The following SLIT3 variants were observed in gnomAD, a reference collection of about 807,000 sequenced individuals.
The protein encoded by SLIT3 is slit homolog 3 protein.
SLIT3 carries 68 observed loss-of-function variants against 184.0 expected under a neutral mutation model. That is an observed-to-expected ratio of 0.37 (90% confidence interval 0.30 to 0.45). The LOEUF is 0.45. Ranked by LOEUF, SLIT3 falls within the 20% of genes least tolerant of loss-of-function variation. The pLI is 1.00. For synonymous variants in SLIT3, 831 were observed against 828.6 expected (o/e 1.00, Z -0.05); for missense variants, 1,707 against 2,026.0 (o/e 0.84, Z 3.02).
chr5:168,991,607 A>G (rs1755332756), intron 4 of SLIT3, among the ~76,000 whole-genome samples: 1 of 152,256 alleles, frequency 6.6e-6, no homozygotes, highest in South Asian at 2.1e-4. Flanking sequence ...TGGGGAATGC[A>G]GTGCCCTGGG....
chr5:169,120,547 A>G (rs1481524020), intron 4 of SLIT3, among the ~76,000 whole-genome samples: 1 of 152,348 alleles, frequency 6.6e-6, no homozygotes, highest in South Asian at 2.1e-4. Flanking sequence ...CCCTGCCAAC[A>G]TCTTGATTTC....
intron 3 of SLIT3, among the ~76,000 whole-genome samples, chr5:169,220,797 T>C (rs1245179649): frequency 1.3e-5 from 2 of 152,212 alleles, no homozygotes; most frequent in East Asian, 1.9e-4. Flanking sequence ...TGCTCCAAAC[T>C]GGCTCATCAA....
At position 168,806,571 on chromosome 5, in the gene SLIT3, G is replaced by T; in HGVS notation, c.810C>A (p.Pro270=). The part of the protein sequence containing the change: ...EYVCPAPHSE[P]PSCNANSISC... The stretch of plus-strand genomic sequence containing the variant: ...AGATGGAGTTGGCATTGCAGGATGG[G>T]GGCTCCGAGTGGGGGGCTGTGGAGC... Residue 270 remains proline (P), a synonymous_variant, in exon 9 of 36, where the codon CCC becomes CCA. Transcript: ENST00000519560. 6.2e-7 allele frequency: 1 copy of T among 1,614,148 alleles called. No individual in the cohort carries two copies. The highest frequency in any genetic ancestry group is 8.5e-7 in the Non-Finnish European group (1 of 1,180,008).
intron 3 of SLIT3, among the ~76,000 whole-genome samples, chr5:169,214,760 A>G (rs1220718008): frequency 6.6e-6 from 1 of 152,164 alleles, no homozygotes; most frequent in Non-Finnish European, 1.5e-5. Flanking sequence ...GGACACTGTC[A>G]TCTCCTTCCA....
intron 5 of SLIT3, among the ~76,000 whole-genome samples, chr5:168,862,729 C>T (rs1318668230): frequency 6.6e-6 from 1 of 151,752 alleles, no homozygotes; most frequent in Non-Finnish European, 1.5e-5. Context: ...GGCTGGAGTG[C>T]AATGGCACAA....
At chr5:168,667,019 G>C (rs1213401470) in intron 35 of SLIT3, among the ~76,000 whole-genome samples, 2 of 152,146 alleles carry the variant, frequency 1.3e-5, no homozygotes, top group East Asian at 3.9e-4. Flanking sequence ...CCTGACCCCA[G>C]ACCAATTTGG....
chr5:168,784,697 T>C (rs1313708263), intron 12 of SLIT3, among the ~76,000 whole-genome samples: 2 of 152,184 alleles, frequency 1.3e-5, no homozygotes, highest in Non-Finnish European at 2.9e-5. Context: ...ACATAAGATG[T>C]GTCCCTTGTT....
chr5:169,014,195 G>C (rs1756275870), intron 4 of SLIT3, among the ~76,000 whole-genome samples: 1 of 152,128 alleles, frequency 6.6e-6, no homozygotes, highest in Non-Finnish European at 1.5e-5. Context: ...CATAATCTTT[G>C]TGGCATGATA....
intron 35 of SLIT3, among the ~76,000 whole-genome samples, chr5:168,667,263 CTAGATACTATT>C (rs1168712136): frequency 6.6e-6 from 1 of 152,064 alleles, no homozygotes; most frequent in African/African-American, 2.4e-5. Flanking sequence ...GGCCTAGAGT[CTAGATACTATT>C]TAAGTGAATA....
chr5:169,247,674 T>TC (rs1054364469), intron 2 of SLIT3, among the ~76,000 whole-genome samples: 17 of 152,278 alleles, frequency 1.1e-4, no homozygotes, highest in African/African-American at 4.1e-4. Flanking sequence ...GTTTTTTTTT[T>TC]CCCTCCAAGA....
At chr5:168,689,472 A>C in intron 29 of SLIT3, among the ~76,000 whole-genome samples, 1 of 152,188 alleles carries the variant, frequency 6.6e-6, no homozygotes, top group East Asian at 1.9e-4. Context: ...TCACAGCCCC[A>C]CCCCTTTATA....
At chr5:169,043,104 C>T (rs1366801380) in intron 4 of SLIT3, among the ~76,000 whole-genome samples, 1 of 152,144 alleles carries the variant, frequency 6.6e-6, no homozygotes, top group Non-Finnish European at 1.5e-5. Flanking sequence ...TAAGTAATCT[C>T]ATTTACTTCT....
chr5:169,253,401 G>A (rs1201094797), intron 1 of SLIT3, among the ~76,000 whole-genome samples: 1 of 152,142 alleles, frequency 6.6e-6, no homozygotes, highest in African/African-American at 2.4e-5. Flanking sequence ...TGTGGCGGGG[G>A]GCAGAAGGTG....
intron 4 of SLIT3, among the ~76,000 whole-genome samples, chr5:169,100,765 C>T (rs1406352488): frequency 1.3e-5 from 2 of 152,176 alleles, no homozygotes; most frequent in Non-Finnish European, 2.9e-5. Flanking sequence ...CAGGCACCTC[C>T]ATCCTCTCCA....
intron 28 of SLIT3, among the ~76,000 whole-genome samples, chr5:168,693,546 C>A (rs1443412438): frequency 6.6e-6 from 1 of 152,130 alleles, no homozygotes; most frequent in Non-Finnish European, 1.5e-5. Context: ...CCAAGCAACA[C>A]CAGCTTTTAA....
chr5:168,958,832 C>T (rs1762916842), intron 4 of SLIT3, among the ~76,000 whole-genome samples: 1 of 152,222 alleles, frequency 6.6e-6, no homozygotes, highest in Non-Finnish European at 1.5e-5. Context: ...TTCTCCCTCC[C>T]AATACATAAT....
At chr5:168,730,538 C>T (rs1032152322) in intron 20 of SLIT3, among the ~76,000 whole-genome samples, 5 of 151,928 alleles carry the variant, frequency 3.3e-5, no homozygotes, top group East Asian at 1.9e-4. Context: ...TCTCAGATCA[C>T]GGTAATTTAA....
At chr5:168,799,687 TTGGTGG>T (rs58476856) in intron 9 of SLIT3, among the ~76,000 whole-genome samples, 9 of 133,360 alleles carry the variant, frequency 6.7e-5, no homozygotes, top group East Asian at 2.0e-4. Flanking sequence ...TGTGGAAACA[TTGGTGG>T]TGGTGGTGGT....
chr5:168,915,314 A>G lies in SLIT3; in HGVS notation c.414-31978T>C, dbSNP rs1761396783. On this transcript the variant is annotated intron_variant, in intron 4 of 35. Coordinates refer to ENST00000519560, the MANE Select transcript of SLIT3 (RefSeq NM_003062.4). Reference sequence around the variant, plus strand: ...GCTAAAACCTTGAAGTTAAAGTTTGATTCTTAGGATGCCAAATTATCAGTG... The same window carrying G: ...GCTAAAACCTTGAAGTTAAAGTTTGGTTCTTAGGATGCCAAATTATCAGTG... 3.3e-5 allele frequency among the ~76,000 whole-genome samples: 5 copies of G among 152,326 alleles called. 1 individual carries two copies. In the South Asian group the frequency reaches 1.0e-3, roughly 32 times the overall value.
Sources: gnomAD v4.1 joint callset for allele counts (sites outside exome capture counted in the v4.1 genomes callset) on GRCh38, gnomAD v4.1.1 for gene constraint, MANE v1.5 for transcripts, NCBI Gene and HGNC (gene_info 2026-07-23, HGNC 2026-07-21) for gene names.